ANKRD35: variants seen among roughly 807,000 people sequenced by gnomAD.
The protein encoded by ANKRD35 is ankyrin repeat domain 35.
A neutral mutation model predicts 109.9 loss-of-function variants in ANKRD35; 102 were observed. The observed-to-expected ratio is 0.93, with a 90% confidence interval of 0.79 to 1.09. The LOEUF is 1.09. Ranked by LOEUF, ANKRD35 falls within the 50% of genes least tolerant of loss-of-function variation. The pLI is 0.00. For synonymous variants in ANKRD35, 515 were observed against 512.4 expected, an observed-to-expected ratio of 1.01 and a Z score of -0.07; for missense variants, 1,240 against 1,230.1, an observed-to-expected ratio of 1.01 and a Z score of -0.12.
In ANKRD35 at chr1:145,872,142, TCGGCCACCGCCTCC is replaced by T; in HGVS notation, c.2613_2626del (p.Glu872GlyfsTer30). Reference sequence around the variant, plus strand: ...CAGGTCCCCGCTCCGGCGGCGCTCCTCGGCCACCGCCTCCCGCAGCCGACCCACTTCCCGGCAGG... The same window carrying T: ...CAGGTCCCCGCTCCGGCGGCGCTCCTCGCAGCCGACCCACTTCCCGGCAGG... On this transcript the variant is annotated frameshift_variant, in exon 10 of 14. Coordinates refer to ENST00000355594, the MANE Select transcript of ANKRD35 (RefSeq NM_144698.5). LOFTEE classifies it high-confidence loss of function. The T allele has an allele frequency of 1.9e-6, 3 of 1,609,440 alleles. 1 individual carries two copies. The South Asian group carries it at 3.3e-5, about 18-fold the overall frequency.
chr1:145,872,611 T>C lies in ANKRD35; in HGVS notation c.2158A>G (p.Ser720Gly). ...TCCTCCAGGGACTCCGCTGCTTTGC[T>C]TTGTGCACTCCTCTCGCCCACTAGG... ...ADLVGERSAQ[S>G]KAAESLEELR... The change falls in exon 10 of 14, where the codon AGC (serine) becomes GGC (glycine). Residue 720 changes from serine to glycine, a missense_variant. Transcript: ENST00000355594. 6.2e-7 allele frequency: 1 copy of C among 1,613,910 alleles called. No homozygotes were observed. The highest frequency in any genetic ancestry group is 8.5e-7 in the Non-Finnish European group (1 of 1,179,912).
chr1:145,883,740 A>C (rs782370117), intron 1 of ANKRD35, among the ~76,000 whole-genome samples: 1 of 152,186 alleles, frequency 6.6e-6, no homozygotes, highest in Non-Finnish European at 1.5e-5. Flanking sequence ...AAATGGTTCC[A>C]GAGTAGTTTG....
At chr1:145,867,461 G>C in intron 12 of ANKRD35, 69 bp from the exon 13 acceptor site, 1 of 1,345,778 alleles carries the variant, frequency 7.4e-7, no homozygotes, top group Non-Finnish European at 1.1e-6. Context: ...GTGAGGGAGA[G>C]GTTCTGTGGT....
At chr1:145,867,935 A>G in intron 12 of ANKRD35, 56 bp downstream of exon 12, 1 of 1,554,668 alleles carries the variant, frequency 6.4e-7, no homozygotes, top group East Asian at 2.2e-5. Flanking sequence ...CCCTAAATGC[A>G]ATACCCTATA....
chr1:145,878,745 A>G (rs782812595), intron 2 of ANKRD35, among the ~76,000 whole-genome samples: 2 of 152,160 alleles, frequency 1.3e-5, no homozygotes, highest in Non-Finnish European at 2.9e-5. Context: ...ACACATAATT[A>G]CCTGCCTCTC....
intron 10 of ANKRD35, 54 bp from the exon 11 acceptor site, chr1:145,868,454 A>T (rs1653686523): frequency 9.3e-6 from 14 of 1,509,564 alleles, no homozygotes; most frequent in African/African-American, 1.4e-5. Flanking sequence ...TTTCTCCCAC[A>T]AGGGTCAAGG....
intron 2 of ANKRD35, among the ~76,000 whole-genome samples, chr1:145,878,830 G>A (rs1055247588): frequency 6.6e-6 from 1 of 152,144 alleles, no homozygotes; most frequent in Non-Finnish European, 1.5e-5. Flanking sequence ...CTGGACATTC[G>A]AAGGCTTTGG....
intron 7 of ANKRD35, 143 bp from the exon 8 acceptor site, chr1:145,875,149 CT>C (rs1378817119): frequency 0.056 from 28,776 of 515,086 alleles, no homozygotes; most frequent in South Asian, 0.087. Flanking sequence ...CTAGACTTCT[CT>C]TTTTTTTTTT....
Position 145,874,952 on chromosome 1 carries a change from G to A in ANKRD35, c.615C>T (p.Leu205=). The change falls in exon 8 of 14, where the codon CTC becomes CTT. Residue 205 remains leucine, a synonymous_variant. Transcript: ENST00000355594. ...CCCCCGCGTCAGCTCCGTGGCTCAG[G>A]AGCAGTTCAGCCACCTCGGCACTGC... is the stretch of plus-strand genomic sequence containing the variant. The part of the protein sequence containing the change: ...EKGSAEVAEL[L]LSHGADAGAV... The A allele has an allele frequency of 6.2e-7, 1 of 1,613,180 alleles. No individual in the cohort carries two copies. Among genetic ancestry groups the A allele is most frequent in the Non-Finnish European group, 8.5e-7 (1 of 1,179,614 alleles).
intron 10 of ANKRD35, among the ~76,000 whole-genome samples, chr1:145,869,813 AT>A (rs1290201691): frequency 3.8e-4 from 58 of 152,296 alleles, no homozygotes; most frequent in Middle Eastern, 3.4e-3. Flanking sequence ...AAGAGACTAA[AT>A]TAAGTAATTT....
At chr1:145,876,982 T>A (rs587725242) in intron 4 of ANKRD35, 109 bp from the exon 5 acceptor site, 4 of 1,153,414 alleles carry the variant, frequency 3.5e-6, no homozygotes, top group Non-Finnish European at 5.1e-6. Context: ...GGGCAGGAGG[T>A]CCACTTTGGA....
At chr1:145,868,614 C>A (rs1653693021) in intron 10 of ANKRD35, among the ~76,000 whole-genome samples, 1 of 152,192 alleles carries the variant, frequency 6.6e-6, no homozygotes, top group South Asian at 2.1e-4. Context: ...TTCGGTGAAA[C>A]CCTTAAAAGT....
In ANKRD35 at chr1:145,874,875, T is replaced by A. The variant is rs1553739760; in HGVS notation, c.692A>T (p.Asp231Val). 2 of 1,612,986 alleles carry A rather than the reference T, an allele frequency of 1.2e-6. No homozygotes were observed. Among genetic ancestry groups the A allele is most frequent in the Non-Finnish European group, 1.7e-6 (2 of 1,179,390 alleles). Reference protein sequence around the residue: ...DALHYALHTQDKALWRHLQQA... With the variant: ...DALHYALHTQVKALWRHLQQA... ...CTGTAGGTGCCTCCACAGTGCCTTG[T>A]CTTGTGTGTGCAGAGCATAGTGCAG... Residue 231 changes from aspartate to valine, a missense_variant, in exon 8 of 14, where the codon GAC becomes GTC. Coordinates refer to ENST00000355594, the MANE Select transcript of ANKRD35 (RefSeq NM_144698.5).
chr1:145,867,983 A>G lies in ANKRD35; in HGVS notation c.2943+8T>C, dbSNP rs1553737991. On this transcript the variant is annotated splice_region_variant and intron_variant, in intron 12 of 13. Coordinates refer to ENST00000355594, the MANE Select transcript of ANKRD35 (RefSeq NM_144698.5). ...TCTATACCTCCCTCAAAACTCCACC[A>G]TGCTCACCCGAGCAGCATTCAGTAG... is the stretch of plus-strand genomic sequence containing the variant. 4.3e-6 allele frequency: 7 copies of G among 1,613,896 alleles called. No individual in the cohort carries two copies. In the South Asian group the frequency reaches 6.6e-5, roughly 15 times the overall value.
At chr1:145,880,391 T>A (rs1168069857) in intron 1 of ANKRD35, among the ~76,000 whole-genome samples, 2 of 152,188 alleles carry the variant, frequency 1.3e-5, no homozygotes, top group Non-Finnish European at 2.9e-5. Context: ...TGGCCTGAGT[T>A]TGGGACCTAG....
chr1:145,885,640 G>A, intron 1 of ANKRD35, 80 bp downstream of exon 1: 1 of 1,441,724 alleles, frequency 6.9e-7, no homozygotes, highest in Non-Finnish European at 9.7e-7. Flanking sequence ...AGGCGATGAT[G>A]CATTGAGACG....
rs1462324675 is a variant in ANKRD35 at position 145,872,832 on chromosome 1, T to C, written c.1937A>G (p.Gln646Arg). 1.9e-6 allele frequency: 3 copies of C among 1,613,982 alleles called. No homozygotes were observed. The highest frequency in any genetic ancestry group is 1.3e-5 in the African/African-American group (1 of 74,936). ...RERQRLQRELQSLSQRLQREF... is the reference protein window; with the variant it reads ...RERQRLQRELRSLSQRLQREF... ...CCGCTGCAGCCGCTGGCTCAGGGAC[T>C]GTAGCTCCCTCTGCAACCTCTGCCG... is the stretch of plus-strand genomic sequence containing the variant. The change falls in exon 10 of 14, where the codon CAG (glutamine) becomes CGG (arginine). Residue 646 changes from glutamine (Q) to arginine (R), a missense_variant. Transcript: ENST00000355594.
chr1:145,872,689 G>A lies in ANKRD35; in HGVS notation c.2080C>T (p.Leu694=). The part of the protein sequence containing the change: ...KEATEKLRKL[L]ASQSSGLRGL... ...CGGAGACCGCTGCTCTGGGAGGCCA[G>A]GAGCTTCCGCAGCTTCTCTGTGGCC... The change falls in exon 10 of 14, where the codon CTG becomes TTG. Residue 694 remains leucine, a synonymous_variant. Coordinates refer to ENST00000355594, the MANE Select transcript of ANKRD35 (RefSeq NM_144698.5). 1 of 1,614,166 alleles carries A rather than the reference G, an allele frequency of 6.2e-7. No individual in the cohort carries two copies. Among genetic ancestry groups the A allele is most frequent in the East Asian group, 2.2e-5 (1 of 44,880 alleles).
chr1:145,873,940 A>G lies in ANKRD35; in HGVS notation c.829T>C (p.Trp277Arg). The G allele has an allele frequency of 1.2e-6, 2 of 1,614,112 alleles. No individual in the cohort carries two copies. Among genetic ancestry groups the G allele is most frequent in the Non-Finnish European group, 1.7e-6 (2 of 1,180,028 alleles). Residue 277 changes from tryptophan (W) to arginine (R), a missense_variant, in exon 10 of 14, where the codon TGG becomes CGG. Transcript: ENST00000355594. ...PQAGSPPKSSWRAEPEEEQEE... is the reference protein window; with the variant it reads ...PQAGSPPKSSRRAEPEEEQEE... ...TGCTCCTCTTCAGGCTCTGCTCTCC[A>G]TGAGCTCTTAGGAGGAGAACCTGCC...
Sources: allele counts gnomAD v4.1 joint callset (sites outside exome capture counted in the v4.1 genomes callset), GRCh38; gene constraint gnomAD v4.1.1; transcripts MANE v1.5; gene names NCBI Gene and HGNC (gene_info 2026-07-23, HGNC 2026-07-21).